The following RFTN1 variants were observed in gnomAD, a reference collection of about 807,000 sequenced individuals.
RFTN1 encodes the protein raftlin.
RFTN1 carries 26 observed loss-of-function variants against 46.5 expected under a neutral mutation model. The ratio of observed to expected loss-of-function variants is 0.56; its 90% CI spans 0.41 to 0.78. RFTN1 has a LOEUF of 0.78. RFTN1 is among the 30% of genes least tolerant of loss of function. The pLI is 0.00. For synonymous variants in RFTN1, 261 were observed against 284.2 expected, an observed-to-expected ratio of 0.92 and a Z score of 0.82; for missense variants, 693 against 718.7, an observed-to-expected ratio of 0.96 and a Z score of 0.41.
intron 8 of RFTN1, 128 bp downstream of exon 8, chr3:16,326,643 GGA>G (rs2069723950): frequency 5.9e-6 from 4 of 679,572 alleles, no homozygotes; most frequent in South Asian, 1.9e-5. Flanking sequence ...CTTCCCAGTG[GGA>G]GAGTTTACAT....
rs1376594297 is a variant in RFTN1, at chr3:16,426,612, G to A, written c.332+7239C>T. 6.7e-6 allele frequency among the ~76,000 whole-genome samples: 1 copy of A among 150,364 alleles called. No homozygotes were observed. The highest frequency in any genetic ancestry group is 1.5e-5 in the Non-Finnish European group (1 of 67,838). Reference sequence around the variant, plus strand: ...AGAAAAAGAAGAGTGAAAAATAATGGACATCTATTCTTGTGGCAAATCACT... The same window carrying A: ...AGAAAAAGAAGAGTGAAAAATAATGAACATCTATTCTTGTGGCAAATCACT... On this transcript the variant is annotated intron_variant, in intron 3 of 9. Coordinates refer to ENST00000334133, the MANE Select transcript of RFTN1 (RefSeq NM_015150.2). The surrounding 1 kb of genome is among the most constrained non-coding windows in gnomAD (Gnocchi z 5.9).
Position 16,459,333 on chromosome 3 carries a change from T to C in RFTN1, c.146-25296A>G, listed in dbSNP as rs1333862580. On this transcript the variant is annotated intron_variant, in intron 2 of 9. Transcript: ENST00000334133. The surrounding 1 kb of genome is among the most constrained non-coding windows in gnomAD (Gnocchi z 4.2). ...ACCTAAACTCTTACATGAAGAGTTA[T>C]GTGCCCTAGTAGAAAACTATTTTTC... Among the ~76,000 whole-genome samples the C allele has an allele frequency of 2.0e-5, 3 of 152,256 alleles. No homozygotes were observed. The highest frequency in any genetic ancestry group is 4.4e-5 in the Non-Finnish European group (3 of 68,046).
intron 4 of RFTN1, among the ~76,000 whole-genome samples, chr3:16,401,661 T>C (rs571264681): frequency 1.3e-5 from 2 of 152,356 alleles, no homozygotes; most frequent in South Asian, 4.1e-4. Context: ...TATATCTCTG[T>C]TATGAATTGG....
chr3:16,439,506 G>A (rs942672648), intron 2 of RFTN1, among the ~76,000 whole-genome samples: 4 of 152,214 alleles, frequency 2.6e-5, no homozygotes, highest in Non-Finnish European at 4.4e-5. Flanking sequence ...TGCAAAAGGC[G>A]CTTTCAACTT....
Position 16,466,783 on chromosome 3 carries a change from G to C in RFTN1, c.145+26942C>G, listed in dbSNP as rs1177302017. Among the ~76,000 whole-genome samples, 1 of 152,188 alleles carries C rather than the reference G, an allele frequency of 6.6e-6. No homozygotes were observed. The highest frequency in any genetic ancestry group is 2.4e-5 in the African/African-American group (1 of 41,436). ...ATGTACACAGAGACACACACACTGA[G>C]ACACACATACACAGACACACATACG... On this transcript the variant is annotated intron_variant, in intron 2 of 9. Transcript: ENST00000334133. This position sits in a 1 kb window ranked among gnomAD's most constrained non-coding sequence, Gnocchi z 5.6.
chr3:16,379,689 T>A (rs1193516807), intron 4 of RFTN1, among the ~76,000 whole-genome samples: 1 of 151,904 alleles, frequency 6.6e-6, no homozygotes, highest in Admixed American at 6.6e-5. Flanking sequence ...CTCAATTCAC[T>A]CTTCAAAAGT....
intron 4 of RFTN1, among the ~76,000 whole-genome samples, chr3:16,388,030 T>C (rs2074248030): frequency 6.6e-6 from 1 of 152,228 alleles, no homozygotes; most frequent in Admixed American, 6.5e-5. Flanking sequence ...TCTCCAACGA[T>C]GTCCCATTTA....
chr3:16,387,592 CTCT>C lies in RFTN1; in HGVS notation c.442-9493_442-9491del, dbSNP rs2074227921. The stretch of plus-strand genomic sequence containing the variant: ...AATTTCTCTCTCTCTCTCTCTCTCT[CTCT>C]CTCTCTCTCTCTCTCTACTGGCTCC... On this transcript the variant is annotated intron_variant, in intron 4 of 9. Transcript: ENST00000334133. The surrounding 1 kb of genome is among the most constrained non-coding windows in gnomAD (Gnocchi z 5.2). Among the ~76,000 whole-genome samples the C allele has an allele frequency of 6.6e-6, 1 of 151,172 alleles. No individual in the cohort carries two copies. The highest frequency in any genetic ancestry group is 2.1e-4 in the South Asian group (1 of 4,762).
chr3:16,369,800 C>T (rs1469837298), intron 6 of RFTN1, among the ~76,000 whole-genome samples: 1 of 152,156 alleles, frequency 6.6e-6, no homozygotes, highest in African/African-American at 2.4e-5. Context: ...CCTTTAAAAG[C>T]AACAGAGACT....
At chr3:16,490,435 G>T (rs2076522081) in intron 2 of RFTN1, among the ~76,000 whole-genome samples, 1 of 152,166 alleles carries the variant, frequency 6.6e-6, no homozygotes, top group South Asian at 2.1e-4. Flanking sequence ...ACGACACACT[G>T]TCCTCCAGGG....
At chr3:16,445,119 C>A (rs1325051936) in intron 2 of RFTN1, among the ~76,000 whole-genome samples, 1 of 152,192 alleles carries the variant, frequency 6.6e-6, no homozygotes, top group African/African-American at 2.4e-5. Context: ...TAAGTGAGGA[C>A]TTACTATGCA....
chr3:16,405,665 T>C (rs1002550448), intron 4 of RFTN1, among the ~76,000 whole-genome samples: 1 of 152,220 alleles, frequency 6.6e-6, no homozygotes, highest in Non-Finnish European at 1.5e-5. Context: ...CTTCTATCCG[T>C]GTCCTCTATC....
intron 4 of RFTN1, among the ~76,000 whole-genome samples, chr3:16,390,386 T>C (rs559513048): frequency 2.0e-4 from 30 of 152,332 alleles, no homozygotes; most frequent in Non-Finnish European, 3.8e-4. Flanking sequence ...CCTTCAGAGA[T>C]CTGCTTTAAT....
In RFTN1 at chr3:16,402,672, C is replaced by T. The variant is rs1169311623; in HGVS notation, c.441+6703G>A. Among the ~76,000 whole-genome samples the T allele has an allele frequency of 2.6e-5, 4 of 152,056 alleles. No individual in the cohort carries two copies. Among genetic ancestry groups the T allele is most frequent in the African/African-American group, 4.8e-5 (2 of 41,374 alleles). ...CATAACAGGCAAAATTTCATCATCCCGGAGATTTGGGATATTCTGTTTCAT... is the reference window on the plus strand; with the variant it reads ...CATAACAGGCAAAATTTCATCATCCTGGAGATTTGGGATATTCTGTTTCAT... On this transcript the variant is annotated intron_variant, in intron 4 of 9. Transcript: ENST00000334133. The surrounding 1 kb of genome is among the most constrained non-coding windows in gnomAD (Gnocchi z 4.5).
In RFTN1 at chr3:16,352,380, C is replaced by G. The variant is rs984138191; in HGVS notation, c.1146+5552G>C. On this transcript the variant is annotated intron_variant, in intron 7 of 9. Transcript: ENST00000334133. The surrounding 1 kb of genome is among the most constrained non-coding windows in gnomAD (Gnocchi z 4.6). The stretch of plus-strand genomic sequence containing the variant: ...AAGAAGAGGGTCTCTGTATCTTGCT[C>G]TTTACCTATTCATCTATGTAGTTTT... Among the ~76,000 whole-genome samples the G allele has an allele frequency of 2.0e-5, 3 of 152,202 alleles. No individual in the cohort carries two copies. The highest frequency in any genetic ancestry group is 4.4e-5 in the Non-Finnish European group (3 of 68,034).
At position 16,426,985 on chromosome 3, in the gene RFTN1, T is replaced by A. The variant is rs1160984278; in HGVS notation, c.332+6866A>T. 1.3e-5 allele frequency among the ~76,000 whole-genome samples: 2 copies of A among 152,026 alleles called. No individual in the cohort carries two copies. Among genetic ancestry groups the A allele is most frequent in the African/African-American group, 4.8e-5 (2 of 41,370 alleles). On this transcript the variant is annotated intron_variant, in intron 3 of 9. Transcript: ENST00000334133. The surrounding 1 kb of genome is among the most constrained non-coding windows in gnomAD (Gnocchi z 5.9). Reference sequence around the variant, plus strand: ...AGGTGGGCAGACATCTAAAACACAATAACAGGAGAGACTGAGATTCCAGCA... The same window carrying A: ...AGGTGGGCAGACATCTAAAACACAAAAACAGGAGAGACTGAGATTCCAGCA...
At chr3:16,358,204 GTCTA>G (rs1444824701) in intron 6 of RFTN1, among the ~76,000 whole-genome samples, 157 bp from the exon 7 acceptor site, 1 of 152,170 alleles carries the variant, frequency 6.6e-6, no homozygotes, top group African/African-American at 2.4e-5. Flanking sequence ...AAGCCATAGA[GTCTA>G]TCTAGCCCTA....
chr3:16,470,556 C>G (rs563837740), intron 2 of RFTN1, among the ~76,000 whole-genome samples: 1 of 152,158 alleles, frequency 6.6e-6, no homozygotes, highest in African/African-American at 2.4e-5. Flanking sequence ...GAGAAAAGAG[C>G]CCCAGATTCT....
At chr3:16,432,698 G>T (rs969961961) in intron 3 of RFTN1, among the ~76,000 whole-genome samples, 17 of 151,978 alleles carry the variant, frequency 1.1e-4, no homozygotes, top group Non-Finnish European at 2.1e-4. Context: ...GAGAGAGAGA[G>T]AAAGACAAAC....
Sources: allele counts gnomAD v4.1 joint callset (sites outside exome capture counted in the v4.1 genomes callset), GRCh38; gene constraint gnomAD v4.1.1; non-coding constraint Gnocchi (gnomAD v3.1); transcripts MANE v1.5; gene names NCBI Gene and HGNC (gene_info 2026-07-23, HGNC 2026-07-21).